NOS1AP: variants seen among roughly 807,000 people sequenced by gnomAD.
NOS1AP encodes nitric oxide synthase 1 adaptor protein, also known as carboxyl-terminal PDZ ligand of neuronal nitric oxide synthase protein.
NOS1AP carries 21 observed loss-of-function variants against 56.2 expected under a neutral mutation model. The observed-to-expected ratio is 0.37, with a 90% CI of 0.26 to 0.54. NOS1AP has a LOEUF of 0.54. Ranked by LOEUF, NOS1AP falls within the 20% of genes least tolerant of loss-of-function variation. NOS1AP has a pLI of 0.84. For synonymous variants in NOS1AP, 270 were observed against 274.6 expected, an observed-to-expected ratio of 0.98 and a Z score of 0.17; for missense variants, 522 against 657.8, an observed-to-expected ratio of 0.79 and a Z score of 2.26.
chr1:162,129,098 C>T (rs916206516), intron 1 of NOS1AP, among the ~76,000 whole-genome samples: 1 of 151,852 alleles, frequency 6.6e-6, no homozygotes, highest in African/African-American at 2.4e-5. Context: ...CATTTCATGC[C>T]AAAGTGTTTT....
chr1:162,161,815 GT>G (rs1650237515), intron 2 of NOS1AP, among the ~76,000 whole-genome samples: 1 of 152,180 alleles, frequency 6.6e-6, no homozygotes, highest in African/African-American at 2.4e-5. Context: ...TCTAATTACT[GT>G]GCACTGGAGC....
At chr1:162,351,188 C>T (rs6667219) in intron 6 of NOS1AP, among the ~76,000 whole-genome samples, 14,097 of 152,136 alleles carry the variant, frequency 0.093, 938 homozygotes, top group East Asian at 0.18. Flanking sequence ...AGATACTCAG[C>T]CCATACACAT....
chr1:162,135,951 C>T (rs1648977272), intron 1 of NOS1AP, among the ~76,000 whole-genome samples: 1 of 152,036 alleles, frequency 6.6e-6, no homozygotes, highest in African/African-American at 2.4e-5. Flanking sequence ...CAACTGTTGT[C>T]TAGTGTTGTA....
At chr1:162,166,163 C>T (rs1650488327) in intron 2 of NOS1AP, among the ~76,000 whole-genome samples, 1 of 152,204 alleles carries the variant, frequency 6.6e-6, no homozygotes, top group South Asian at 2.1e-4. Flanking sequence ...GTTTCATAGA[C>T]AGCTGCCGCA....
At chr1:162,182,260 TATAATC>T (rs1651288404) in intron 2 of NOS1AP, among the ~76,000 whole-genome samples, 1 of 152,202 alleles carries the variant, frequency 6.6e-6, no homozygotes, top group Non-Finnish European at 1.5e-5. Context: ...CATTGAACCT[TATAATC>T]GGTCACAATA....
At chr1:162,314,753 T>C (rs929766813) in intron 4 of NOS1AP, among the ~76,000 whole-genome samples, 1 of 152,180 alleles carries the variant, frequency 6.6e-6, no homozygotes, top group African/African-American at 2.4e-5. Context: ...AGTTTTGAAT[T>C]TTAGGAGAAT....
rs140033098 is a variant in NOS1AP, at chr1:162,349,027, A to G, written c.595+5051A>G. Among the ~76,000 whole-genome samples the G allele has an allele frequency of 2.9e-3, 448 of 152,226 alleles. 2 individuals are homozygous for G. Among genetic ancestry groups the G allele is most frequent in the African/African-American group, 0.01 (428 of 41,532 alleles). On this transcript the variant is annotated intron_variant, in intron 6 of 9. Coordinates refer to ENST00000361897, the MANE Select transcript of NOS1AP (RefSeq NM_014697.3). The stretch of plus-strand genomic sequence containing the variant: ...ATGAAGAAACCCCATCTCTACTAAA[A>G]ATACAAAAAATTAGCTGGGTGTGGT...
At chr1:162,175,851 C>A (rs1651034675) in intron 2 of NOS1AP, among the ~76,000 whole-genome samples, 2 of 152,098 alleles carry the variant, frequency 1.3e-5, no homozygotes, top group African/African-American at 4.8e-5. Context: ...TCTGTAATAT[C>A]CCCCGCAAGC....
At chr1:162,116,954 T>A (rs1647984925) in intron 1 of NOS1AP, among the ~76,000 whole-genome samples, 1 of 152,200 alleles carries the variant, frequency 6.6e-6, no homozygotes, top group African/African-American at 2.4e-5. Context: ...ATATATTTCA[T>A]CTGTTTTGGA....
intron 2 of NOS1AP, among the ~76,000 whole-genome samples, chr1:162,189,968 T>G (rs183151621): frequency 1.3e-5 from 2 of 152,132 alleles, no homozygotes; most frequent in African/African-American, 4.8e-5. Context: ...TTGTGCTGAG[T>G]GAAGTGAGTG....
chr1:162,136,057 AT>A (rs1329056707), intron 1 of NOS1AP, among the ~76,000 whole-genome samples: 1 of 152,194 alleles, frequency 6.6e-6, no homozygotes, highest in Non-Finnish European at 1.5e-5. Flanking sequence ...AAACATTGAA[AT>A]AACCCGAGTT....
At chr1:162,182,556 C>T (rs938594248) in intron 2 of NOS1AP, among the ~76,000 whole-genome samples, 36 of 152,208 alleles carry the variant, frequency 2.4e-4, no homozygotes, top group African/African-American at 7.2e-4. Flanking sequence ...GCGTGTGACA[C>T]TATTTGATAG....
chr1:162,156,654 A>G (rs951121), intron 2 of NOS1AP, among the ~76,000 whole-genome samples: 115,600 of 152,104 alleles, frequency 0.76, 45,689 homozygotes, highest in Admixed American at 0.86. Flanking sequence ...TGTCAGTAAT[A>G]TCACTATCAT....
At chr1:162,352,000 C>T (rs902653829) in intron 6 of NOS1AP, among the ~76,000 whole-genome samples, 5 of 152,104 alleles carry the variant, frequency 3.3e-5, no homozygotes, top group African/African-American at 1.2e-4. Context: ...ACCCCACACT[C>T]CTTCCCTCTT....
chr1:162,340,053 G>C (rs568795912), intron 5 of NOS1AP, among the ~76,000 whole-genome samples: 1 of 152,330 alleles, frequency 6.6e-6, no homozygotes, highest in African/African-American at 2.4e-5. Flanking sequence ...TGGTAGATAG[G>C]AAGGGCAATT....
intron 1 of NOS1AP, among the ~76,000 whole-genome samples, chr1:162,144,789 C>CT (rs1440651661): frequency 6.6e-6 from 1 of 152,144 alleles, no homozygotes; most frequent in Non-Finnish European, 1.5e-5. Context: ...TGTCTTCCTG[C>CT]TTTTTTTCTC....
intron 3 of NOS1AP, among the ~76,000 whole-genome samples, chr1:162,299,364 G>C (rs1200064870): frequency 6.6e-6 from 1 of 152,182 alleles, no homozygotes; most frequent in Non-Finnish European, 1.5e-5. Flanking sequence ...GGGATCACTG[G>C]TAAGTAGGAT....
At chr1:162,119,128 A>T (rs939631233) in intron 1 of NOS1AP, among the ~76,000 whole-genome samples, 1 of 152,172 alleles carries the variant, frequency 6.6e-6, no homozygotes, top group African/African-American at 2.4e-5. Context: ...TTTCTTTTTA[A>T]GAATGATCTA....
chr1:162,320,019 C>T (rs1377597918), intron 4 of NOS1AP, among the ~76,000 whole-genome samples: 1 of 152,176 alleles, frequency 6.6e-6, no homozygotes, highest in East Asian at 1.9e-4. Flanking sequence ...GCATCCTCCT[C>T]CGCGTTTCAC....
Sources: allele counts gnomAD v4.1 joint callset (sites outside exome capture counted in the v4.1 genomes callset), GRCh38; gene constraint gnomAD v4.1.1; transcripts MANE v1.5; gene names NCBI Gene and HGNC (gene_info 2026-07-23, HGNC 2026-07-21).